The following PCDHA2 variants were observed in gnomAD, a reference collection of about 807,000 sequenced individuals.
PCDHA2 encodes protocadherin alpha 2, also known as protocadherin alpha-2.
PCDHA2 carries 58 observed loss-of-function variants against 66.0 expected under a neutral mutation model. The ratio of observed to expected loss-of-function variants is 0.88; its 90% CI spans 0.71 to 1.09. The LOEUF (loss-of-function observed/expected upper bound fraction) is 1.09, where lower values mean the gene tolerates loss of function less well. PCDHA2 is among the 50% of genes least tolerant of loss of function. The pLI, the probability that PCDHA2 is intolerant of heterozygous loss-of-function variation, is 0.00. For missense variants in PCDHA2, 1,267 were observed against 1,242.3 expected (o/e 1.02, Z -0.30); for synonymous variants, 634 against 554.0 (o/e 1.14, Z -2.03).
At chr5:140,966,642 G>C (rs897727830) in intron 1 of PCDHA2, 15 of 1,117,790 alleles carry the variant, frequency 1.3e-5, no homozygotes, top group Non-Finnish European at 1.8e-5. Context: ...GCGCTTTCTA[G>C]AGCGTGAGCG....
At chr5:140,863,429 G>A (rs781937083) in intron 1 of PCDHA2, 1 of 653,862 alleles carries the variant, frequency 1.5e-6, no homozygotes, top group East Asian at 4.5e-5. Flanking sequence ...AGCGTAGTGG[G>A]ATCTGGTCTT....
At chr5:140,823,256 T>C (rs1269305597) in intron 1 of PCDHA2, 5 of 1,613,056 alleles carry the variant, frequency 3.1e-6, no homozygotes, top group African/African-American at 1.3e-5. Context: ...TACTCGCTGG[T>C]GGAGCGGCGG....
chr5:140,883,887 C>G (rs782749190), intron 1 of PCDHA2: 1 of 1,613,348 alleles, frequency 6.2e-7, no homozygotes, highest in South Asian at 1.1e-5. Flanking sequence ...GCGCGCGACT[C>G]TGGCGTGCCG....
In PCDHA2 at chr5:141,010,490, A is replaced by C; in HGVS notation, c.*553A>C. 1.6e-6 allele frequency: 1 copy of C among 640,034 alleles called. No individual in the cohort carries two copies. The highest frequency in any genetic ancestry group is 2.4e-6 in the Non-Finnish European group (1 of 411,150). The allele number at this position is 640,034 out of a possible 1,614,324, so 39.6% of individuals were successfully genotyped here. On this transcript the variant is annotated 3_prime_UTR_variant, in exon 4 of 4. Coordinates refer to ENST00000526136, the MANE Select transcript of PCDHA2 (RefSeq NM_018905.3). ...GGAGGGGAAGTGTAAACTTAAAGGG[A>C]CCAGACTTTCTAAATCTTACAACTC...
intron 1 of PCDHA2, among the ~76,000 whole-genome samples, chr5:140,955,521 TC>T (rs2095199105): frequency 6.6e-6 from 1 of 152,142 alleles, no homozygotes; most frequent in Non-Finnish European, 1.5e-5. Context: ...TGCTTTCCCT[TC>T]CACCATGATT....
At chr5:140,931,817 C>A (rs2087768963) in intron 1 of PCDHA2, among the ~76,000 whole-genome samples, 1 of 151,876 alleles carries the variant, frequency 6.6e-6, no homozygotes, top group Non-Finnish European at 1.5e-5. Context: ...GAAAAGAATT[C>A]TTGTCATAGT....
At chr5:140,879,396 T>C (rs2057974571) in intron 1 of PCDHA2, among the ~76,000 whole-genome samples, 1 of 152,174 alleles carries the variant, frequency 6.6e-6, no homozygotes, top group Non-Finnish European at 1.5e-5. Context: ...AAACAGTTTG[T>C]GTGTATTTGA....
chr5:140,884,563 T>TAAGACG (rs2060266286), intron 1 of PCDHA2: 9 of 1,614,032 alleles, frequency 5.6e-6, no homozygotes, highest in Non-Finnish European at 7.6e-6. Context: ...AGGGCCCGCA[T>TAAGACG]AAGACGGACC....
At chr5:140,867,456 T>G (rs1035822606) in intron 1 of PCDHA2, 8 of 152,272 alleles carry the variant, frequency 5.3e-5, no homozygotes, top group African/African-American at 1.9e-4. Context: ...AGAGTTCTAG[T>G]GTTATGACAA....
intron 3 of PCDHA2, among the ~76,000 whole-genome samples, chr5:141,004,676 G>C (rs1198896698): frequency 6.6e-6 from 1 of 152,168 alleles, no homozygotes; most frequent in Non-Finnish European, 1.5e-5. Context: ...AAGGACTGTG[G>C]AGTGGTGCTG....
rs373945193 is a variant in PCDHA2 at position 140,807,955 on chromosome 5, T to C, written c.2388+10603T>C. On this transcript the variant is annotated intron_variant, in intron 1 of 3. Transcript: ENST00000526136. ...AGGTGAGATTACTAGAAAATGTTCCTAATGGAACATTGGTAATTAAACTTA... is the reference window on the plus strand; with the variant it reads ...AGGTGAGATTACTAGAAAATGTTCCCAATGGAACATTGGTAATTAAACTTA... 8.1e-6 allele frequency: 13 copies of C among 1,612,616 alleles called. No homozygotes were observed. The African/African-American group carries it at 1.5e-4, about 18-fold the overall frequency.
In PCDHA2 at chr5:140,796,284, C is replaced by A. The variant is rs1554119811; in HGVS notation, c.1320C>A (p.Ser440Arg). Residue 440 changes from serine to arginine, a missense_variant, in exon 1 of 4, where the codon AGC becomes AGA. Ser to Arg is a moderately radical substitution (Grantham distance 110). Coordinates refer to ENST00000526136, the MANE Select transcript of PCDHA2 (RefSeq NM_018905.3). ...GGSPSLWATT[S>R]VSIEVADVND... ...CGCCTTCACTGTGGGCCACCACCAG[C>A]GTGTCCATCGAGGTGGCCGACGTGA... 1.2e-6 allele frequency: 2 copies of A among 1,614,026 alleles called. No individual in the cohort carries two copies. Among genetic ancestry groups the A allele is most frequent in the African/African-American group, 1.3e-5 (1 of 74,954 alleles).
Position 140,924,886 on chromosome 5 carries a change from A to C in PCDHA2, c.2389-54063A>C, listed in dbSNP as rs190850675. ...CTCCAGCCTGGGTGACAGAGCAAGAACCTGTCTCAAAAAAAAAAATAAAAT... is the reference window on the plus strand; with the variant it reads ...CTCCAGCCTGGGTGACAGAGCAAGACCCTGTCTCAAAAAAAAAAATAAAAT... On this transcript the variant is annotated intron_variant, in intron 1 of 3. Transcript: ENST00000526136. Among the ~76,000 whole-genome samples, 1,191 of 137,252 alleles carry C rather than the reference A, an allele frequency of 8.7e-3. 7 individuals carry two copies. Among genetic ancestry groups the C allele is most frequent in the African/African-American group, 0.022 (767 of 35,510 alleles). The allele number at this position is 137,252 out of a possible 152,430, so 90.0% of individuals were successfully genotyped here.
chr5:140,843,094 A>G (rs1268827365), intron 1 of PCDHA2: 2 of 1,595,564 alleles, frequency 1.3e-6, no homozygotes, highest in South Asian at 2.2e-5. Flanking sequence ...GCCACGTGGT[A>G]GCGAAGGTGC....
chr5:140,808,289 G>C (rs1764139078), intron 1 of PCDHA2: 1 of 1,614,140 alleles, frequency 6.2e-7, no homozygotes, highest in Non-Finnish European at 8.5e-7. Flanking sequence ...ACTGGGTACA[G>C]TCATCGCCCT....
At chr5:140,887,661 T>A (rs1322494406) in intron 1 of PCDHA2, among the ~76,000 whole-genome samples, 1 of 152,170 alleles carries the variant, frequency 6.6e-6, no homozygotes, top group African/African-American at 2.4e-5. Context: ...CTTGGATCTG[T>A]GGATTTATCA....
chr5:140,935,379 C>T (rs2090338823), intron 1 of PCDHA2, among the ~76,000 whole-genome samples: 1 of 152,196 alleles, frequency 6.6e-6, no homozygotes, highest in African/African-American at 2.4e-5. Context: ...CAGAATTACT[C>T]ATTTGTTATC....
intron 1 of PCDHA2, among the ~76,000 whole-genome samples, chr5:140,923,882 G>A (rs1261780966): frequency 6.6e-6 from 1 of 152,192 alleles, no homozygotes; most frequent in Non-Finnish European, 1.5e-5. Context: ...AGAAGCGTGT[G>A]AAAGAGGAGG....
chr5:140,915,259 T>C (rs1344301014), intron 1 of PCDHA2, among the ~76,000 whole-genome samples: 1 of 152,182 alleles, frequency 6.6e-6, no homozygotes, highest in East Asian at 1.9e-4. Context: ...GTTGTTATTA[T>C]TTTTGACCAG....
Sources: gnomAD v4.1 joint callset for allele counts (sites outside exome capture counted in the v4.1 genomes callset) on GRCh38, gnomAD v4.1.1 for gene constraint, MANE v1.5 for transcripts, NCBI Gene and HGNC (gene_info 2026-07-23, HGNC 2026-07-21) for gene names.